PRDX2: variants seen among roughly 807,000 people sequenced by gnomAD.
The protein encoded by PRDX2 is peroxiredoxin-2.
In PRDX2, 10 loss-of-function variants were observed where a neutral mutation model predicts 19.8. The observed-to-expected ratio is 0.50, with a 90% CI of 0.31 to 0.86. The LOEUF (loss-of-function observed/expected upper bound fraction) is 0.86. PRDX2 is among the 40% of genes least tolerant of loss of function. PRDX2 has a pLI of 0.04. For synonymous variants in PRDX2, 118 were observed against 108.2 expected (o/e 1.09, Z -0.56); for missense variants, 226 against 260.1 (o/e 0.87, Z 0.90).
chr19:12,798,954 T>G (rs1968841775), intron 5 of PRDX2, among the ~76,000 whole-genome samples: 1 of 151,886 alleles, frequency 6.6e-6, no homozygotes, highest in Admixed American at 6.6e-5. Context: ...CAGGCTGGAG[T>G]GCAGTGGTGT....
chr19:12,798,962 T>G (rs1020323031), intron 5 of PRDX2, among the ~76,000 whole-genome samples: 2 of 151,900 alleles, frequency 1.3e-5, no homozygotes, highest in African/African-American at 4.8e-5. Flanking sequence ...AGTGCAGTGG[T>G]GTGATCTCGG....
chr19:12,799,101 A>G (rs1249324814), intron 5 of PRDX2, among the ~76,000 whole-genome samples: 2 of 151,576 alleles, frequency 1.3e-5, no homozygotes, highest in African/African-American at 2.4e-5. Flanking sequence ...CGGTTTCACT[A>G]TGTTGGCCAG....
chr19:12,800,167 C>T lies in PRDX2; in HGVS notation c.380+10G>A. On this transcript the variant is annotated intron_variant, in intron 4 of 5. Coordinates refer to ENST00000301522, the MANE Select transcript of PRDX2 (RefSeq NM_005809.6). ...GCGCTCCCTGAGCCGGGCTGAGGGT[C>T]CCACAGTACCTGTAGGCAATGCCCT... 1 of 1,612,898 alleles carries T rather than the reference C, an allele frequency of 6.2e-7. No individual in the cohort carries two copies. Among genetic ancestry groups the T allele is most frequent in the Non-Finnish European group, 8.5e-7 (1 of 1,179,302 alleles).
At chr19:12,798,420 C>G (rs575590956) in intron 5 of PRDX2, among the ~76,000 whole-genome samples, 1 of 151,960 alleles carries the variant, frequency 6.6e-6, no homozygotes, top group Admixed American at 6.6e-5. Flanking sequence ...GGCACGATCT[C>G]AGCTCACTGC....
At chr19:12,797,433 C>T (rs1349246885) in intron 5 of PRDX2, among the ~76,000 whole-genome samples, 1 of 151,318 alleles carries the variant, frequency 6.6e-6, no homozygotes, top group East Asian at 1.9e-4. Context: ...AAGCGATTCT[C>T]ATGCCCCAGA....
intron 3 of PRDX2, chr19:12,800,558 C>T: frequency 2.4e-6 from 2 of 842,574 alleles, no homozygotes; most frequent in Non-Finnish European, 3.5e-6. Flanking sequence ...CAGCAGAGAG[C>T]CTGTGTTAAG....
At position 12,799,818 on chromosome 19, in the gene PRDX2, C is replaced by A. The variant is rs199920989; in HGVS notation, c.511+41G>T. The A allele has an allele frequency of 2.5e-6, 4 of 1,596,914 alleles. No individual in the cohort carries two copies. In the African/African-American group the frequency reaches 4.0e-5, roughly 16 times the overall value. On this transcript the variant is annotated intron_variant, in intron 5 of 5. Coordinates refer to ENST00000301522, the MANE Select transcript of PRDX2 (RefSeq NM_005809.6). Reference sequence around the variant, plus strand: ...TGAATGTTTGCATGAGTGACGGAGGCGCTCAGTATGTACCCATGTGTCATG... The same window carrying A: ...TGAATGTTTGCATGAGTGACGGAGGAGCTCAGTATGTACCCATGTGTCATG...
chr19:12,799,451 C>T (rs1442919818), intron 5 of PRDX2: 1 of 171,226 alleles, frequency 5.8e-6, no homozygotes, highest in Non-Finnish European at 1.3e-5. Context: ...CCTCTGCCTC[C>T]TGGGTTCAAG....
At chr19:12,800,445 G>C (rs947273212) in intron 3 of PRDX2, 146 bp from the exon 4 acceptor site, 43 of 1,101,062 alleles carry the variant, frequency 3.9e-5, no homozygotes, top group Non-Finnish European at 5.0e-5. Flanking sequence ...CCCCACCCTG[G>C]GTTGGGTGCA....
At position 12,801,022 on chromosome 19, in the gene PRDX2, A is replaced by C. The variant is rs1440078880; in HGVS notation, c.151T>G (p.Cys51Gly). The C allele has an allele frequency of 6.2e-7, 1 of 1,605,468 alleles. No individual in the cohort carries two copies. The highest frequency in any genetic ancestry group is 1.1e-5 in the South Asian group (1 of 90,630). Reference protein sequence around the residue: ...FFYPLDFTFVCPTEIIAFSNR... With the variant: ...FFYPLDFTFVGPTEIIAFSNR... ...CTGAACGCGATGATCTCGGTGGGGC[A>C]CACAAAAGTGAAGTCCAGAGGGTAG... Residue 51 changes from cysteine to glycine, a missense_variant, in exon 3 of 6, where the codon TGC (cysteine) becomes GGC (glycine). Transcript: ENST00000301522.
In PRDX2 at chr19:12,797,049, CA is replaced by C; in HGVS notation, c.*31del. On this transcript the variant is annotated 3_prime_UTR_variant, in exon 6 of 6. Coordinates refer to ENST00000301522, the MANE Select transcript of PRDX2 (RefSeq NM_005809.6). ...TGGACACCCAGCACAGGCACCTAGG[CA>C]GGGGCACAAGCTCACTATCCGTTAG... is the stretch of plus-strand genomic sequence containing the variant. The C allele has an allele frequency of 1.2e-6, 2 of 1,609,862 alleles. No homozygotes were observed. Among genetic ancestry groups the C allele is most frequent in the Non-Finnish European group, 1.7e-6 (2 of 1,177,504 alleles).
chr19:12,797,287 G>T, intron 5 of PRDX2, 121 bp from the exon 6 acceptor site: 1 of 735,242 alleles, frequency 1.4e-6, no homozygotes, highest in Admixed American at 2.5e-5. Context: ...CAGGAATGTG[G>T]ATATTAAGAT....
At chr19:12,800,603 C>T (rs1968874403) in intron 3 of PRDX2, 3 of 1,128,794 alleles carry the variant, frequency 2.7e-6, no homozygotes, top group Non-Finnish European at 3.6e-6. Context: ...TCATGGGGTA[C>T]AGCCCTTCAC....
intron 3 of PRDX2, chr19:12,800,538 C>T (rs1968872687): frequency 8.9e-6 from 7 of 784,990 alleles, no homozygotes; most frequent in Middle Eastern, 3.8e-4. Flanking sequence ...TTGTAACTTG[C>T]AGCATCACCC....
In PRDX2 at chr19:12,801,789, G is replaced by A. The variant is rs1968904920; in HGVS notation, c.-59C>T. ...CGGACGATCACACGCGTGGACCCGC[G>A]TTCTCAGCGCCAAGTGAGCCCTGGG... On this transcript the variant is annotated 5_prime_UTR_variant, in exon 1 of 6. The change creates a new upstream start codon in the 5' untranslated region. Coordinates refer to ENST00000301522, the MANE Select transcript of PRDX2 (RefSeq NM_005809.6). 1 of 343,432 alleles carries A rather than the reference G, an allele frequency of 2.9e-6. No homozygotes were observed. Among genetic ancestry groups the A allele is most frequent in the Non-Finnish European group, 5.2e-6 (1 of 190,504 alleles). 21.3% of individuals were successfully genotyped at this position (343,432 alleles called of 1,614,324 possible).
chr19:12,801,225 G>C lies in PRDX2; in HGVS notation c.37C>G (p.Pro13Ala). 1 of 1,613,984 alleles carries C rather than the reference G, an allele frequency of 6.2e-7. No homozygotes were observed. The highest frequency in any genetic ancestry group is 1.1e-5 in the South Asian group (1 of 91,056). The change falls in exon 2 of 6, where the codon CCT becomes GCT. Residue 13 changes from proline (P) to alanine (A), a missense_variant. By Grantham distance (27) the Pro-to-Ala change is conservative. Coordinates refer to ENST00000301522, the MANE Select transcript of PRDX2 (RefSeq NM_005809.6). ...SGNARIGKPA[P>A]DFKATAVVDG... ...ACCACCGCTGTGGCCTTGAAGTCAG[G>C]GGCTGGCTTTCCGATGCGCGCGTTA...
chr19:12,800,783 C>A, intron 3 of PRDX2, 133 bp downstream of exon 3: 22 of 1,545,980 alleles, frequency 1.4e-5, no homozygotes, highest in Non-Finnish European at 1.8e-5. Flanking sequence ...AAGACTTGGG[C>A]GGCAATGTTT....
chr19:12,797,041 C>G lies in PRDX2; in HGVS notation c.*40G>C. 3 of 1,605,668 alleles carry G rather than the reference C, an allele frequency of 1.9e-6. No homozygotes were observed. The highest frequency in any genetic ancestry group is 2.6e-6 in the Non-Finnish European group (3 of 1,174,212). On this transcript the variant is annotated 3_prime_UTR_variant, in exon 6 of 6. Transcript: ENST00000301522. ...GGCACAGGTGGACACCCAGCACAGGCACCTAGGCAGGGGCACAAGCTCACT... is the reference window on the plus strand; with the variant it reads ...GGCACAGGTGGACACCCAGCACAGGGACCTAGGCAGGGGCACAAGCTCACT...
intron 1 of PRDX2, 88 bp from the exon 2 acceptor site, chr19:12,801,358 G>A (rs995944233): frequency 1.5e-6 from 2 of 1,362,650 alleles, no homozygotes; most frequent in South Asian, 2.5e-5. Flanking sequence ...CTATGACTGA[G>A]TCAGCACGGC....
Sources: allele counts gnomAD v4.1 joint callset (sites outside exome capture counted in the v4.1 genomes callset), GRCh38; gene constraint gnomAD v4.1.1; transcripts MANE v1.5; gene names NCBI Gene and HGNC (gene_info 2026-07-23, HGNC 2026-07-21).